Variants in ZCCHC7 observed in about 807,000 individuals in gnomAD.
The protein encoded by ZCCHC7 is zinc finger CCHC domain-containing protein 7.
A neutral mutation model predicts 52.0 loss-of-function variants in ZCCHC7; 35 were observed. The ratio of observed to expected loss-of-function variants is 0.67; its 90% CI spans 0.51 to 0.89. The LOEUF is 0.89. Among genes scored for constraint, ZCCHC7 ranks in the 40% least tolerant of loss-of-function variants. The pLI is 0.00. For synonymous variants in ZCCHC7, 217 were observed against 221.5 expected (o/e 0.98, Z 0.18); for missense variants, 574 against 649.1 (o/e 0.88, Z 1.26).
At chr9:37,292,568 A>G (rs887621813) in intron 2 of ZCCHC7, among the ~76,000 whole-genome samples, 7 of 152,190 alleles carry the variant, frequency 4.6e-5, no homozygotes, top group Non-Finnish European at 1.0e-4. Flanking sequence ...AGATAATTAA[A>G]TCCTCTTTTA....
intron 2 of ZCCHC7, among the ~76,000 whole-genome samples, chr9:37,218,150 T>G (rs1824609849): frequency 6.6e-6 from 1 of 152,172 alleles, no homozygotes; most frequent in Non-Finnish European, 1.5e-5. Flanking sequence ...TATTTACTGT[T>G]TACCTCCGTG....
intron 2 of ZCCHC7, among the ~76,000 whole-genome samples, chr9:37,258,019 A>G (rs1826672398): frequency 2.0e-5 from 3 of 152,234 alleles, no homozygotes; most frequent in Admixed American, 2.0e-4. Flanking sequence ...TATACTTTGT[A>G]TTCTAGTTCA....
chr9:37,311,744 A>G (rs983379032), intron 5 of ZCCHC7, among the ~76,000 whole-genome samples: 2 of 152,182 alleles, frequency 1.3e-5, no homozygotes, highest in Non-Finnish European at 2.9e-5. Context: ...AAATGCTCCC[A>G]TATCAGCCAT....
chr9:37,135,342 G>A (rs1451298757), intron 2 of ZCCHC7, among the ~76,000 whole-genome samples: 1 of 152,082 alleles, frequency 6.6e-6, no homozygotes, highest in African/African-American at 2.4e-5. Flanking sequence ...GAAATAAGAA[G>A]TTCTTATTCC....
intron 2 of ZCCHC7, among the ~76,000 whole-genome samples, chr9:37,169,848 T>C (rs759781670): frequency 2.6e-5 from 4 of 152,122 alleles, no homozygotes; most frequent in Admixed American, 6.5e-5. Flanking sequence ...AGTGGTTTGC[T>C]TGAGCCCAGC....
intron 2 of ZCCHC7, among the ~76,000 whole-genome samples, chr9:37,214,955 TAAA>T (rs1418797166): frequency 6.6e-6 from 1 of 152,056 alleles, no homozygotes; most frequent in Non-Finnish European, 1.5e-5. Flanking sequence ...TGTAGGAAAA[TAAA>T]AACTTTATTT....
intron 6 of ZCCHC7, among the ~76,000 whole-genome samples, chr9:37,339,153 C>G (rs1830815430): frequency 6.6e-6 from 1 of 152,122 alleles, no homozygotes. Context: ...CAGGGGAATT[C>G]TGTTTTTTCA....
At chr9:37,297,201 T>C (rs564363073) in intron 2 of ZCCHC7, among the ~76,000 whole-genome samples, 1 of 152,328 alleles carries the variant, frequency 6.6e-6, no homozygotes, top group South Asian at 2.1e-4. Context: ...GTTAATTAAA[T>C]TAGCCTTCTA....
At chr9:37,336,853 C>G (rs2118380793) in intron 6 of ZCCHC7, among the ~76,000 whole-genome samples, 1 of 152,250 alleles carries the variant, frequency 6.6e-6, no homozygotes, top group African/African-American at 2.4e-5. Flanking sequence ...TATCCTGCAT[C>G]AAAGCTTGTG....
At chr9:37,301,193 C>G (rs1159902884) in intron 2 of ZCCHC7, among the ~76,000 whole-genome samples, 1 of 152,064 alleles carries the variant, frequency 6.6e-6, no homozygotes, top group African/African-American at 2.4e-5. Flanking sequence ...AATTGTGGGC[C>G]TGCAAGTTAA....
intron 2 of ZCCHC7, among the ~76,000 whole-genome samples, chr9:37,270,844 T>G (rs1368896165): frequency 6.6e-6 from 1 of 150,990 alleles, no homozygotes; most frequent in African/African-American, 2.4e-5. Flanking sequence ...GAGGAGCCAT[T>G]ACTTTCATTT....
rs1325408486 is a variant in ZCCHC7, at chr9:37,258,983, C to CT, written c.611-43202dup. ...GGCATGGATGGCTGTTTAAGGTTGG[C>CT]TTTCAGGAAGCAGAGGAGTTTTGTA... On this transcript the variant is annotated intron_variant, in intron 2 of 8. Transcript: ENST00000336755. Among the ~76,000 whole-genome samples, 3 of 152,068 alleles carry CT rather than the reference C, an allele frequency of 2.0e-5. 1 individual carries two copies. The East Asian group carries it at 5.8e-4, about 29-fold the overall frequency.
intron 2 of ZCCHC7, among the ~76,000 whole-genome samples, chr9:37,276,566 CCTCAAT>C (rs1564219661): frequency 2.0e-5 from 3 of 151,976 alleles, no homozygotes; most frequent in African/African-American, 7.3e-5. Context: ...CCTAGCAGTC[CCTCAAT>C]AGATGTTAAT....
At position 37,354,583 on chromosome 9, in the gene ZCCHC7, C is replaced by A. The variant is rs1316982139; in HGVS notation, c.1084-127C>A. The A allele has an allele frequency of 3.1e-6, 2 of 638,206 alleles. No homozygotes were observed. The highest frequency in any genetic ancestry group is 5.4e-6 in the Non-Finnish European group (2 of 367,868). The allele number at this position is 638,206 out of a possible 1,614,324, so 39.5% of individuals were successfully genotyped here. On this transcript the variant is annotated intron_variant, in intron 7 of 8. Transcript: ENST00000336755. This position sits in a 1 kb window ranked among gnomAD's most constrained non-coding sequence, Gnocchi z 4.0. ...CCCAACACCCCAGCAAGGACCATAT[C>A]CTACAGCCACCACATGAGGTACCAG...
At chr9:37,199,444 G>T (rs761428310) in intron 2 of ZCCHC7, among the ~76,000 whole-genome samples, 14 of 149,154 alleles carry the variant, frequency 9.4e-5, no homozygotes, top group Admixed American at 8.8e-4. Context: ...CGATTCTCCT[G>T]CCTCAGCCTC....
chr9:37,173,446 G>A (rs1317086548), intron 2 of ZCCHC7, among the ~76,000 whole-genome samples: 1 of 152,118 alleles, frequency 6.6e-6, no homozygotes, highest in African/African-American at 2.4e-5. Context: ...GACAAAATAA[G>A]GAAAACATTC....
intron 2 of ZCCHC7, among the ~76,000 whole-genome samples, chr9:37,278,360 A>G (rs2133552626): frequency 6.6e-6 from 1 of 152,346 alleles, no homozygotes; most frequent in East Asian, 1.9e-4. Flanking sequence ...GAACTGAAAA[A>G]TGTAATATCT....
At position 37,171,650 on chromosome 9, in the gene ZCCHC7, G is replaced by A. The variant is rs751073591; in HGVS notation, c.610+44708G>A. Among the ~76,000 whole-genome samples, 6 of 151,748 alleles carry A rather than the reference G, an allele frequency of 4.0e-5. No homozygotes were observed. The East Asian group carries it at 9.7e-4, about 24-fold the overall frequency. Reference sequence around the variant, plus strand: ...GCTCAGGCTGGTCTCTAACTCCTAGGCTCAGGCAATCCTCCCTCAGCCTCC... The same window carrying A: ...GCTCAGGCTGGTCTCTAACTCCTAGACTCAGGCAATCCTCCCTCAGCCTCC... On this transcript the variant is annotated intron_variant, in intron 2 of 8. Coordinates refer to ENST00000336755, the MANE Select transcript of ZCCHC7 (RefSeq NM_032226.3).
intron 6 of ZCCHC7, among the ~76,000 whole-genome samples, chr9:37,334,798 T>C (rs1201895915): frequency 6.6e-6 from 1 of 152,064 alleles, no homozygotes; most frequent in African/African-American, 2.4e-5. Flanking sequence ...ATTACCTCTT[T>C]AGAAAGCATT....
Sources: gnomAD v4.1 joint callset for allele counts (sites outside exome capture counted in the v4.1 genomes callset) on GRCh38, gnomAD v4.1.1 for gene constraint, Gnocchi (gnomAD v3.1) non-coding constraint, MANE v1.5 for transcripts, NCBI Gene and HGNC (gene_info 2026-07-23, HGNC 2026-07-21) for gene names.